NLGN1: variants seen among roughly 807,000 people sequenced by gnomAD.
NLGN1 encodes the protein neuroligin-1.
NLGN1 carries 12 observed loss-of-function variants against 65.5 expected under a neutral mutation model. The observed-to-expected ratio is 0.18, with a 90% confidence interval of 0.12 to 0.30. The LOEUF (loss-of-function observed/expected upper bound fraction) is 0.30. NLGN1 is among the 10% of genes least tolerant of loss of function. The pLI is 1.00. For missense variants in NLGN1, 750 were observed against 1,007.1 expected (o/e 0.74, Z 3.46); for synonymous variants, 350 against 359.5 (o/e 0.97, Z 0.30).
At chr3:173,936,783 T>C (rs931471670) in intron 4 of NLGN1, among the ~76,000 whole-genome samples, 1 of 152,070 alleles carries the variant, frequency 6.6e-6, no homozygotes, top group African/African-American at 2.4e-5. Context: ...CACCTGAAAA[T>C]TGGTGCTTTT....
At chr3:173,754,047 T>TG (rs1000889789) in intron 3 of NLGN1, among the ~76,000 whole-genome samples, 2 of 137,634 alleles carry the variant, frequency 1.5e-5, no homozygotes, top group African/African-American at 2.8e-5. Flanking sequence ...TGTTTTTTTT[T>TG]TTGTTGTTGT....
At chr3:173,899,749 G>A (rs1460154287) in intron 4 of NLGN1, among the ~76,000 whole-genome samples, 1 of 152,012 alleles carries the variant, frequency 6.6e-6, no homozygotes, top group Non-Finnish European at 1.5e-5. Context: ...ACATTATATG[G>A]CCTATGAAGC....
chr3:173,913,553 G>C (rs953799045), intron 4 of NLGN1, among the ~76,000 whole-genome samples: 3 of 152,152 alleles, frequency 2.0e-5, no homozygotes, highest in Non-Finnish European at 4.4e-5. Flanking sequence ...GGCATTGACA[G>C]GGGCAGCTGG....
intron 4 of NLGN1, among the ~76,000 whole-genome samples, chr3:174,050,827 A>G (rs1268041817): frequency 3.3e-5 from 5 of 152,076 alleles, no homozygotes; most frequent in African/African-American, 1.2e-4. Context: ...CAAAGCTATA[A>G]TGGTGACATG....
At chr3:174,103,482 A>G (rs1713013362) in intron 4 of NLGN1, among the ~76,000 whole-genome samples, 2 of 152,082 alleles carry the variant, frequency 1.3e-5, no homozygotes, top group Non-Finnish European at 2.9e-5. Flanking sequence ...AATTTTCAGA[A>G]TGGGAGTAGA....
Position 174,225,637 on chromosome 3 carries a change from A to C in NLGN1, c.647-49678A>C, listed in dbSNP as rs559464615. On this transcript the variant is annotated intron_variant, in intron 4 of 6. Transcript: ENST00000457714. ...TCCCAGCTACTCCGGAGCCTGAGGC[A>C]GGAGAATGGCGTGAGCCCGGGAGGC... is the stretch of plus-strand genomic sequence containing the variant. 1.8e-4 allele frequency among the ~76,000 whole-genome samples: 27 copies of C among 152,246 alleles called. No individual in the cohort carries two copies. In the East Asian group the frequency reaches 3.3e-3, roughly 19 times the overall value.
intron 1 of NLGN1, among the ~76,000 whole-genome samples, chr3:173,404,519 G>A (rs1560205261): frequency 6.6e-6 from 1 of 152,140 alleles, no homozygotes; most frequent in Non-Finnish European, 1.5e-5. Context: ...CTCCATCTGT[G>A]TTTAGGGTCA....
At chr3:174,066,224 GT>G (rs1738515010) in intron 4 of NLGN1, among the ~76,000 whole-genome samples, 1 of 151,876 alleles carries the variant, frequency 6.6e-6, no homozygotes, top group Non-Finnish European at 1.5e-5. Context: ...TTCAGAGGAA[GT>G]TTATTTTCCT....
chr3:173,428,629 T>G (rs1716591546), intron 1 of NLGN1, among the ~76,000 whole-genome samples: 1 of 152,104 alleles, frequency 6.6e-6, no homozygotes, highest in African/African-American at 2.4e-5. Flanking sequence ...ATTATGTAAT[T>G]ATTTTTGATA....
At chr3:173,444,877 A>T (rs1398724717) in intron 2 of NLGN1, among the ~76,000 whole-genome samples, 1 of 151,934 alleles carries the variant, frequency 6.6e-6, no homozygotes, top group Non-Finnish European at 1.5e-5. Context: ...CATATATTAC[A>T]TTTTGTAGCC....
intron 4 of NLGN1, among the ~76,000 whole-genome samples, chr3:174,127,658 TC>T (rs1719236404): frequency 1.3e-5 from 2 of 152,090 alleles, no homozygotes; most frequent in African/African-American, 2.4e-5. Flanking sequence ...TACTAACCCT[TC>T]AAAAAAGGTA....
intron 4 of NLGN1, among the ~76,000 whole-genome samples, chr3:174,091,087 T>C (rs886684957): frequency 6.6e-6 from 1 of 152,138 alleles, no homozygotes; most frequent in Non-Finnish European, 1.5e-5. Flanking sequence ...GCTCTGACCT[T>C]CCCAGGGCAG....
At chr3:173,927,396 G>A (rs1175700898) in intron 4 of NLGN1, among the ~76,000 whole-genome samples, 3 of 152,046 alleles carry the variant, frequency 2.0e-5, no homozygotes, top group Admixed American at 6.6e-5. Flanking sequence ...AAAGTGTAGA[G>A]TTTAGCCTAA....
At position 174,280,500 on chromosome 3, in the gene NLGN1, C is replaced by G. The variant is rs1751357952; in HGVS notation, c.1669C>G (p.Pro557Ala). Reference sequence around the variant, plus strand: ...TCTTAGTGACCCAAATCAACCAGTCCCTCAAGACACGAAATTCATTCATAC... The same window carrying G: ...TCTTAGTGACCCAAATCAACCAGTCGCTCAAGACACGAAATTCATTCATAC... Residue 557 changes from proline to alanine, a missense_variant, in exon 7 of 7, where the codon CCT becomes GCT. Physicochemically the swap from Pro to Ala is conservative, Grantham distance 27. Coordinates refer to ENST00000457714, the Ensembl canonical transcript of NLGN1. This position sits in a 1 kb window ranked among gnomAD's most constrained non-coding sequence, Gnocchi z 4.9. 5 of 1,609,342 alleles carry G rather than the reference C, an allele frequency of 3.1e-6. No homozygotes were observed. Among genetic ancestry groups the G allele is most frequent in the Middle Eastern group, 1.7e-4 (1 of 6,028 alleles).
At chr3:173,500,573 A>T (rs543806820) in intron 2 of NLGN1, among the ~76,000 whole-genome samples, 1 of 152,116 alleles carries the variant, frequency 6.6e-6, no homozygotes, top group Non-Finnish European at 1.5e-5. Context: ...TCATAAAATG[A>T]GTTAGGGAAG....
chr3:174,085,804 C>T (rs560091667), intron 4 of NLGN1, among the ~76,000 whole-genome samples: 1 of 151,996 alleles, frequency 6.6e-6, no homozygotes, highest in South Asian at 2.1e-4. Context: ...TACATATAAG[C>T]TCCACTTTTT....
At chr3:173,722,983 TA>T (rs573827890) in intron 3 of NLGN1, among the ~76,000 whole-genome samples, 1 of 152,176 alleles carries the variant, frequency 6.6e-6, no homozygotes, top group Non-Finnish European at 1.5e-5. Context: ...ATCTCCTTGA[TA>T]AAATGACGGT....
intron 2 of NLGN1, among the ~76,000 whole-genome samples, chr3:173,520,780 A>C (rs1734625118): frequency 6.6e-6 from 1 of 152,248 alleles, no homozygotes; most frequent in Non-Finnish European, 1.5e-5. Flanking sequence ...TAGGTAACCC[A>C]GATAGTAAAA....
At chr3:173,548,336 A>G (rs1740246650) in intron 2 of NLGN1, among the ~76,000 whole-genome samples, 2 of 152,164 alleles carry the variant, frequency 1.3e-5, no homozygotes, top group African/African-American at 2.4e-5. Flanking sequence ...AACCTATGTA[A>G]AATGATTCTG....
Sources: allele counts gnomAD v4.1 joint callset (sites outside exome capture counted in the v4.1 genomes callset), GRCh38; gene constraint gnomAD v4.1.1; non-coding constraint Gnocchi (gnomAD v3.1); transcripts MANE v1.5; gene names NCBI Gene and HGNC (gene_info 2026-07-23, HGNC 2026-07-21).